PARD3B: variants seen among roughly 807,000 people sequenced by gnomAD.
PARD3B encodes the protein par-3 family cell polarity regulator beta.
Under a neutral mutation model 130.2 loss-of-function variants are expected in PARD3B, and 103 were observed. The observed-to-expected ratio is 0.79, with a 90% CI of 0.67 to 0.93. The LOEUF (loss-of-function observed/expected upper bound fraction) is 0.93. PARD3B is among the 40% of genes least tolerant of loss of function. PARD3B has a pLI of 0.00. For missense variants in PARD3B, 1,609 were observed against 1,499.2 expected, an observed-to-expected ratio of 1.07 and a Z score of -1.21; for synonymous variants, 583 against 553.2, an observed-to-expected ratio of 1.05 and a Z score of -0.76.
chr2:204,823,422 T>C (rs2043443468), intron 2 of PARD3B, among the ~76,000 whole-genome samples: 1 of 152,022 alleles, frequency 6.6e-6, no homozygotes, highest in Non-Finnish European at 1.5e-5. Context: ...CATTTATGTA[T>C]TACATGTACT....
chr2:204,782,891 C>T (rs114218487), intron 2 of PARD3B, among the ~76,000 whole-genome samples: 2,781 of 152,046 alleles, frequency 0.018, 80 homozygotes, highest in African/African-American at 0.062. Flanking sequence ...AAATGCTGTT[C>T]AGTTCAAATT....
chr2:205,294,593 C>T (rs897981073), intron 16 of PARD3B, among the ~76,000 whole-genome samples: 5 of 152,012 alleles, frequency 3.3e-5, no homozygotes, highest in South Asian at 2.1e-4. Flanking sequence ...CATAATCTTC[C>T]GATATTTTCT....
chr2:205,602,394 A>G (rs6715154), intron 22 of PARD3B, among the ~76,000 whole-genome samples: 21,144 of 152,250 alleles, frequency 0.14, 1,888 homozygotes, highest in Middle Eastern at 0.26. Flanking sequence ...GCCTCATAAA[A>G]TTAGTTAGGG....
chr2:205,405,215 A>G lies in PARD3B; in HGVS notation c.2741+4092A>G, dbSNP rs193178900. On this transcript the variant is annotated intron_variant, in intron 19 of 22. Transcript: ENST00000406610. The surrounding 1 kb of genome is among the most constrained non-coding windows in gnomAD (Gnocchi z 4.1). ...GTTCTCAATGGGAGGGGGCAGTTTT[A>G]CCACAAGGGCATTTGGCTATGTCTG... is the stretch of plus-strand genomic sequence containing the variant. Among the ~76,000 whole-genome samples, 575 of 152,304 alleles carry G rather than the reference A, an allele frequency of 3.8e-3. 2 individuals carry two copies. Among genetic ancestry groups the G allele is most frequent in the Middle Eastern group, 0.014 (4 of 294 alleles).
chr2:204,797,330 C>A (rs1342002704), intron 2 of PARD3B, among the ~76,000 whole-genome samples: 1 of 151,846 alleles, frequency 6.6e-6, no homozygotes, highest in Admixed American at 6.6e-5. Context: ...CGAGGTATAA[C>A]ATTTTATTGT....
chr2:205,533,502 AC>A (rs1412040872), intron 21 of PARD3B, among the ~76,000 whole-genome samples: 1 of 152,234 alleles, frequency 6.6e-6, no homozygotes, highest in Non-Finnish European at 1.5e-5. Flanking sequence ...TTTATTCATA[AC>A]AATTACACTT....
rs1394459640 is a variant in PARD3B, at chr2:205,028,933, G to C, written c.395-18648G>C. On this transcript the variant is annotated intron_variant, in intron 3 of 22. Coordinates refer to ENST00000406610, the MANE Select transcript of PARD3B (RefSeq NM_001302769.2). ...TTAGAAAACAATTCCATTTACAATA[G>C]CATCAAAAAGAGTTAAACATTTGGG... is the stretch of plus-strand genomic sequence containing the variant. Among the ~76,000 whole-genome samples, 3 of 152,072 alleles carry C rather than the reference G, an allele frequency of 2.0e-5. No individual in the cohort carries two copies. In the East Asian group the frequency reaches 5.8e-4, roughly 29 times the overall value.
intron 3 of PARD3B, among the ~76,000 whole-genome samples, chr2:204,994,322 T>C (rs1693960704): frequency 9.9e-6 from 1 of 100,818 alleles, no homozygotes; most frequent in Non-Finnish European, 2.0e-5. Flanking sequence ...TATTTCTGCC[T>C]TCATTTCGTT....
In PARD3B at chr2:205,137,824, G is replaced by T. The variant is rs2032615797; in HGVS notation, c.1434+12087G>T. Among the ~76,000 whole-genome samples, 3 of 152,184 alleles carry T rather than the reference G, an allele frequency of 2.0e-5. No individual in the cohort carries two copies. The South Asian group carries it at 6.2e-4, about 31-fold the overall frequency. On this transcript the variant is annotated intron_variant, in intron 10 of 22. Transcript: ENST00000406610. The stretch of plus-strand genomic sequence containing the variant: ...AAGGCTAGTTCAGTGTCCTTACATG[G>T]CATTCTCCAAGACAACAAAAGCAGA...
intron 2 of PARD3B, among the ~76,000 whole-genome samples, chr2:204,828,039 G>T (rs1309325459): frequency 7.5e-6 from 1 of 133,454 alleles, no homozygotes; most frequent in Admixed American, 6.9e-5. Flanking sequence ...GACACCATCT[G>T]CCCCGGTCCA....
intron 18 of PARD3B, among the ~76,000 whole-genome samples, chr2:205,308,659 A>ACATAAAC (rs2042272740): frequency 6.6e-6 from 1 of 152,086 alleles, no homozygotes; most frequent in South Asian, 2.1e-4. Context: ...GCAAAATATT[A>ACATAAAC]CATAAACATG....
intron 18 of PARD3B, among the ~76,000 whole-genome samples, chr2:205,393,274 T>C (rs954658074): frequency 1.3e-5 from 2 of 152,182 alleles, no homozygotes; most frequent in Non-Finnish European, 2.9e-5. Flanking sequence ...TCTGCCCCTA[T>C]ATTTTGCTTG....
intron 3 of PARD3B, among the ~76,000 whole-genome samples, chr2:204,973,071 A>G (rs1276705950): frequency 6.6e-6 from 1 of 152,104 alleles, no homozygotes; most frequent in African/African-American, 2.4e-5. Flanking sequence ...CCTCTTCCCC[A>G]TGCCCCCACC....
chr2:204,792,100 G>A (rs1404746676), intron 2 of PARD3B, among the ~76,000 whole-genome samples: 4 of 152,134 alleles, frequency 2.6e-5, no homozygotes, highest in South Asian at 2.1e-4. Flanking sequence ...ATGCCCTTGG[G>A]AAACTTGATA....
rs12618000 is a variant in PARD3B, at chr2:205,589,491, A to C, written c.3261-25965A>C. Among the ~76,000 whole-genome samples the C allele has an allele frequency of 0.66, 99,781 of 152,010 alleles. 32,988 individuals carry two copies. Among genetic ancestry groups the C allele is most frequent in the East Asian group, 0.85 (4,376 of 5,140 alleles). ...GAGATGCAGACAGAGATGAGGAACT[A>C]ATCAAGGTGCATGTTTCTGTGTCTG... On this transcript the variant is annotated intron_variant, in intron 22 of 22. Transcript: ENST00000406610. The surrounding 1 kb of genome is among the most constrained non-coding windows in gnomAD (Gnocchi z 4.1).
intron 22 of PARD3B, among the ~76,000 whole-genome samples, chr2:205,597,077 T>C (rs1046646594): frequency 6.6e-6 from 1 of 152,098 alleles, no homozygotes; most frequent in Non-Finnish European, 1.5e-5. Context: ...AGGGAGTACA[T>C]GGGTAAGTTG....
intron 2 of PARD3B, among the ~76,000 whole-genome samples, chr2:204,881,148 G>C (rs1022709924): frequency 6.6e-6 from 1 of 152,102 alleles, no homozygotes; most frequent in South Asian, 2.1e-4. Flanking sequence ...AACCATGAGC[G>C]TATTAGATAT....
intron 20 of PARD3B, 150 bp from the exon 21 acceptor site, chr2:205,499,746 A>T (rs1209104184): frequency 2.4e-5 from 22 of 910,110 alleles, no homozygotes; most frequent in African/African-American, 3.3e-5. Context: ...GTTCATATTT[A>T]TGACTGATTT....
chr2:205,250,099 A>T (rs1174418793), intron 16 of PARD3B, among the ~76,000 whole-genome samples: 1 of 152,072 alleles, frequency 6.6e-6, no homozygotes, highest in Non-Finnish European at 1.5e-5. Flanking sequence ...TCAGGGTCTT[A>T]AAGTGTGTCT....
Sources: gnomAD v4.1 joint callset for allele counts (sites outside exome capture counted in the v4.1 genomes callset) on GRCh38, gnomAD v4.1.1 for gene constraint, Gnocchi (gnomAD v3.1) non-coding constraint, MANE v1.5 for transcripts, NCBI Gene and HGNC (gene_info 2026-07-23, HGNC 2026-07-21) for gene names.